DPYD: variants seen among roughly 807,000 people sequenced by gnomAD.
The protein encoded by DPYD is dihydropyrimidine dehydrogenase, also known as dihydropyrimidine dehydrogenase [NADP(+)].
DPYD carries 109 observed loss-of-function variants against 116.2 expected under a neutral mutation model. That is an observed-to-expected ratio of 0.94 (90% confidence interval 0.80 to 1.10). The LOEUF (loss-of-function observed/expected upper bound fraction) is 1.10. Ranked by LOEUF, DPYD falls within the 50% of genes least tolerant of loss-of-function variation. The pLI is 0.00. For missense variants in DPYD, 1,302 were observed against 1,254.5 expected (o/e 1.04, Z -0.57); for synonymous variants, 440 against 432.0 (o/e 1.02, Z -0.23).
intron 15 of DPYD, among the ~76,000 whole-genome samples, chr1:97,381,127 CTTCT>C (rs1671932929): frequency 6.6e-6 from 1 of 152,068 alleles, no homozygotes; most frequent in Non-Finnish European, 1.5e-5. Context: ...CTTTTCCTCC[CTTCT>C]TTCTTTTTTT....
At chr1:97,605,712 A>G (rs900750975) in intron 8 of DPYD, among the ~76,000 whole-genome samples, 2 of 152,078 alleles carry the variant, frequency 1.3e-5, no homozygotes, top group Non-Finnish European at 2.9e-5. Context: ...CAACTATAAA[A>G]TCTGCTCTGC....
intron 16 of DPYD, among the ~76,000 whole-genome samples, chr1:97,317,983 C>G (rs1024118931): frequency 1.1e-4 from 16 of 151,596 alleles, no homozygotes; most frequent in Non-Finnish European, 1.6e-4. Context: ...CCAAACTAAG[C>G]TTCATAAGTG....
At chr1:97,124,412 T>C (rs1334718263) in intron 20 of DPYD, among the ~76,000 whole-genome samples, 1 of 152,132 alleles carries the variant, frequency 6.6e-6, no homozygotes, top group East Asian at 1.9e-4. Context: ...GTAACTTTTC[T>C]GAGTAATTTT....
intron 18 of DPYD, among the ~76,000 whole-genome samples, chr1:97,285,821 CTA>C: frequency 6.6e-6 from 1 of 151,962 alleles, no homozygotes; most frequent in South Asian, 2.1e-4. Flanking sequence ...TGTTTATCCT[CTA>C]TGTCTTCATA....
intron 16 of DPYD, among the ~76,000 whole-genome samples, chr1:97,324,476 T>C (rs368550405): frequency 1.1e-4 from 16 of 152,158 alleles, no homozygotes; most frequent in African/African-American, 2.9e-4. Flanking sequence ...ACGGCAGGTG[T>C]ATGCCAAATA....
chr1:97,223,210 C>T (rs770130802), intron 19 of DPYD, among the ~76,000 whole-genome samples: 5 of 152,148 alleles, frequency 3.3e-5, no homozygotes, highest in Non-Finnish European at 7.4e-5. Flanking sequence ...CTTGAACTAG[C>T]TCCATCAGAG....
At chr1:97,830,331 C>T (rs1669475662) in intron 2 of DPYD, among the ~76,000 whole-genome samples, 1 of 152,108 alleles carries the variant, frequency 6.6e-6, no homozygotes, top group African/African-American at 2.4e-5. Flanking sequence ...AGGTCCATTC[C>T]TAGCATAAAC....
Position 97,735,685 on chromosome 1 carries a change from CATAAATAA to C in DPYD, c.321+4699_321+4706del, listed in dbSNP as rs5776378. On this transcript the variant is annotated intron_variant, in intron 4 of 22. Coordinates refer to ENST00000370192, the MANE Select transcript of DPYD (RefSeq NM_000110.4). ...CCTGGGCGACAGAGCAAGACTCTGT[CATAAATAA>C]ATAAATAAATAAATAAATAAATAAA... Among the ~76,000 whole-genome samples, 978 of 133,816 alleles carry C rather than the reference CATAAATAA, an allele frequency of 7.3e-3. 3 individuals carry two copies. The highest frequency in any genetic ancestry group is 0.017 in the South Asian group (70 of 4,028). 87.8% of individuals were successfully genotyped at this position (133,816 alleles called of 152,430 possible). A position where few individuals can be genotyped will look rare whatever the true frequency, so the allele number is the denominator to read the frequency against.
Position 97,098,598 on chromosome 1 carries a change from C to T in DPYD, c.2657G>A (p.Arg886His), listed in dbSNP as rs1801267. 29 of 1,612,928 alleles carry T rather than the reference C, an allele frequency of 1.8e-5. No homozygotes were observed. In the East Asian group the frequency reaches 2.0e-4, roughly 11 times the overall value. Residue 886 changes from arginine to histidine, a missense_variant, in exon 21 of 23, where the codon CGC (arginine) becomes CAC (histidine). Transcript: ENST00000370192. ...LPSFGPYLEQRKKIIAENKIR... is the reference protein window; with the variant it reads ...LPSFGPYLEQHKKIIAENKIR... ...CTTGTTTTCTGCTATGATTTTCTTG[C>T]GCTGTTCCAGATAAGGTCCAAAACT...
chr1:97,322,962 C>G lies in DPYD; in HGVS notation c.2059-16665G>C, dbSNP rs138341209. ...ACTCTGCAATACGAATACATCTGCT[C>G]TTATTTCTCAGCATCTCTTATTCCA... On this transcript the variant is annotated intron_variant, in intron 16 of 22. Coordinates refer to ENST00000370192, the MANE Select transcript of DPYD (RefSeq NM_000110.4). 1.8e-3 allele frequency: 267 copies of G among 151,930 alleles called. 1 individual carries two copies. The highest frequency in any genetic ancestry group is 6.2e-3 in the African/African-American group (259 of 41,488). 9.4% of individuals were successfully genotyped at this position (151,930 alleles called of 1,614,324 possible).
chr1:97,247,884 A>G (rs1281876667), intron 18 of DPYD, among the ~76,000 whole-genome samples: 2 of 152,204 alleles, frequency 1.3e-5, no homozygotes, highest in Admixed American at 1.3e-4. Context: ...CATTTTCACA[A>G]AGCAAACTGC....
intron 13 of DPYD, among the ~76,000 whole-genome samples, chr1:97,465,681 C>T (rs1192120164): frequency 6.6e-6 from 1 of 152,120 alleles, no homozygotes; most frequent in African/African-American, 2.4e-5. Context: ...TGTGAAGCCT[C>T]CCCAGATATA....
chr1:97,713,669 T>A (rs1464532660), intron 5 of DPYD, among the ~76,000 whole-genome samples: 1 of 152,168 alleles, frequency 6.6e-6, no homozygotes, highest in Non-Finnish European at 1.5e-5. Context: ...ATGTTACTTG[T>A]ATTTGCATTC....
intron 10 of DPYD, among the ~76,000 whole-genome samples, chr1:97,587,831 A>AG (rs1000384264): frequency 5.3e-5 from 8 of 151,060 alleles, no homozygotes; most frequent in African/African-American, 1.7e-4. Context: ...CTCCAAAAAA[A>AG]AAAAAAAGAA....
chr1:97,882,972 T>C (rs1672303434), intron 2 of DPYD, among the ~76,000 whole-genome samples: 2 of 151,960 alleles, frequency 1.3e-5, no homozygotes, highest in African/African-American at 4.8e-5. Context: ...AATTTACAGG[T>C]TGCATATCCC....
chr1:97,608,392 T>G (rs1218981302), intron 8 of DPYD, among the ~76,000 whole-genome samples: 1 of 151,972 alleles, frequency 6.6e-6, no homozygotes. Flanking sequence ...TTTCTACTAG[T>G]GGGTTTGGAA....
intron 8 of DPYD, among the ~76,000 whole-genome samples, chr1:97,605,370 C>T (rs1655523391): frequency 6.6e-6 from 1 of 151,898 alleles, no homozygotes; most frequent in Non-Finnish European, 1.5e-5. Context: ...GGGTGATTTC[C>T]CCCATGCTGT....
chr1:97,287,552 C>G (rs1421521663), intron 18 of DPYD, among the ~76,000 whole-genome samples: 2 of 152,190 alleles, frequency 1.3e-5, no homozygotes, highest in Admixed American at 1.3e-4. Context: ...CAGAGGCAGG[C>G]AGGCATCCTT....
intron 20 of DPYD, among the ~76,000 whole-genome samples, chr1:97,149,583 T>A (rs1041989109): frequency 6.6e-6 from 1 of 152,198 alleles, no homozygotes; most frequent in African/African-American, 2.4e-5. Flanking sequence ...AGTGTCATTA[T>A]CCTAGTTTAT....
Sources: allele counts gnomAD v4.1 joint callset (sites outside exome capture counted in the v4.1 genomes callset), GRCh38; gene constraint gnomAD v4.1.1; transcripts MANE v1.5; gene names NCBI Gene and HGNC (gene_info 2026-07-23, HGNC 2026-07-21).